The following MECOM variants were observed in gnomAD, a reference collection of about 807,000 sequenced individuals.
MECOM encodes the protein histone-lysine N-methyltransferase MECOM.
MECOM carries 13 observed loss-of-function variants against 116.3 expected under a neutral mutation model. The observed-to-expected ratio is 0.11, with a 90% CI of 0.07 to 0.18. The LOEUF (loss-of-function observed/expected upper bound fraction) is 0.18. Among genes scored for constraint, MECOM ranks in the 10% least tolerant of loss-of-function variants. The pLI is 1.00. For missense variants in MECOM, 1,299 were observed against 1,509.0 expected (o/e 0.86, Z 2.31); for synonymous variants, 528 against 535.2 (o/e 0.99, Z 0.19).
intron 2 of MECOM, chr3:169,146,822 G>A: frequency 7.3e-6 from 8 of 1,090,104 alleles, no homozygotes; most frequent in Non-Finnish European, 9.0e-6. Flanking sequence ...GCTCCTGCAC[G>A]AAAATCCTTT....
chr3:169,353,667 A>G (rs1266205856), intron 2 of MECOM, among the ~76,000 whole-genome samples: 10 of 151,890 alleles, frequency 6.6e-5, no homozygotes, highest in Admixed American at 6.6e-4. Flanking sequence ...TAATTTTAAA[A>G]TTAAAATAAA....
At chr3:169,094,215 A>T in intron 13 of MECOM, among the ~76,000 whole-genome samples, 1 of 152,316 alleles carries the variant, frequency 6.6e-6, no homozygotes. Flanking sequence ...TAATTAAAAA[A>T]TTCCATAAAT....
At chr3:169,433,689 G>GAGAA (rs139174248) in intron 1 of MECOM, among the ~76,000 whole-genome samples, 19 of 96,856 alleles carry the variant, frequency 2.0e-4, no homozygotes, top group African/African-American at 6.8e-4. Flanking sequence ...AAGAAAGAAA[G>GAGAA]AGAAAGAAAG....
rs1755630562 is a variant in MECOM at position 169,246,716 on chromosome 3, T to C, written c.376-102884A>G. Among the ~76,000 whole-genome samples, 3 of 152,166 alleles carry C rather than the reference T, an allele frequency of 2.0e-5. No individual in the cohort carries two copies. In the South Asian group the frequency reaches 6.2e-4, roughly 32 times the overall value. On this transcript the variant is annotated intron_variant, in intron 2 of 16. Transcript: ENST00000651503. ...TTTGTATTTTTAGTAGAGACAGGGTTTTACTCTGTTGTCCAGGCTGGTCTG... is the reference window on the plus strand; with the variant it reads ...TTTGTATTTTTAGTAGAGACAGGGTCTTACTCTGTTGTCCAGGCTGGTCTG...
At chr3:169,588,388 G>A (rs924096660) in intron 1 of MECOM, among the ~76,000 whole-genome samples, 1 of 152,076 alleles carries the variant, frequency 6.6e-6, no homozygotes, top group Admixed American at 6.6e-5. Flanking sequence ...ACTTTCATGA[G>A]CTACAATATT....
chr3:169,413,120 A>T (rs1481393254), intron 1 of MECOM, among the ~76,000 whole-genome samples: 1 of 152,244 alleles, frequency 6.6e-6, no homozygotes, highest in East Asian at 1.9e-4. Flanking sequence ...CCAATGCAGA[A>T]GGCAGGTGAT....
At chr3:169,323,446 C>G (rs983475614) in intron 2 of MECOM, among the ~76,000 whole-genome samples, 4 of 152,094 alleles carry the variant, frequency 2.6e-5, no homozygotes, top group African/African-American at 9.7e-5. Flanking sequence ...CATGGAAGCA[C>G]GTAGGCATTT....
chr3:169,437,894 TA>T (rs1742933409), intron 1 of MECOM, among the ~76,000 whole-genome samples: 1 of 152,220 alleles, frequency 6.6e-6, no homozygotes, highest in African/African-American at 2.4e-5. Context: ...AAGAAATGCA[TA>T]AAAATCTCAT....
intron 2 of MECOM, among the ~76,000 whole-genome samples, chr3:169,293,619 T>C (rs1352733467): frequency 6.6e-6 from 1 of 152,198 alleles, no homozygotes; most frequent in African/African-American, 2.4e-5. Context: ...CCCCCTTTAC[T>C]CTTTATCCCC....
chr3:169,210,052 A>C (rs1203231328), intron 2 of MECOM, among the ~76,000 whole-genome samples: 1 of 152,182 alleles, frequency 6.6e-6, no homozygotes, highest in Non-Finnish European at 1.5e-5. Context: ...TGTCCTTTGC[A>C]GGGACATGGA....
chr3:169,385,971 A>G (rs1260334345), intron 1 of MECOM, among the ~76,000 whole-genome samples: 1 of 152,194 alleles, frequency 6.6e-6, no homozygotes, highest in Non-Finnish European at 1.5e-5. Flanking sequence ...TCCTTTAGGC[A>G]TGTCATTAAC....
chr3:169,413,302 T>C (rs1389024641), intron 1 of MECOM, among the ~76,000 whole-genome samples: 3 of 152,110 alleles, frequency 2.0e-5, no homozygotes, highest in Non-Finnish European at 4.4e-5. Flanking sequence ...GACCGTGCCA[T>C]GAGGGACTGT....
chr3:169,326,333 A>T (rs938021909), intron 2 of MECOM, among the ~76,000 whole-genome samples: 18 of 152,148 alleles, frequency 1.2e-4, no homozygotes, highest in African/African-American at 4.3e-4. Context: ...TGTTATTTGG[A>T]AAAGTCTATT....
intron 1 of MECOM, among the ~76,000 whole-genome samples, chr3:169,580,594 T>C (rs1192980447): frequency 1.3e-5 from 2 of 152,162 alleles, no homozygotes; most frequent in Non-Finnish European, 2.9e-5. Context: ...TGAGGCAACA[T>C]GCTTTTGTGT....
At chr3:169,613,019 G>C (rs1322044073) in intron 1 of MECOM, among the ~76,000 whole-genome samples, 1 of 152,124 alleles carries the variant, frequency 6.6e-6, no homozygotes, top group African/African-American at 2.4e-5. Flanking sequence ...ACTTTCCCCA[G>C]GACCAAATCC....
In MECOM at chr3:169,258,461, G is replaced by T. The variant is rs555498408; in HGVS notation, c.376-114629C>A. Among the ~76,000 whole-genome samples the T allele has an allele frequency of 2.6e-5, 4 of 152,244 alleles. No homozygotes were observed. In the East Asian group the frequency reaches 7.7e-4, roughly 29 times the overall value. On this transcript the variant is annotated intron_variant, in intron 2 of 16. Transcript: ENST00000651503. Reference sequence around the variant, plus strand: ...CTTTTATTCATTTTTTTAAAAAGATGAATCCATTAGTATTTCTATTACTGT... The same window carrying T: ...CTTTTATTCATTTTTTTAAAAAGATTAATCCATTAGTATTTCTATTACTGT...
chr3:169,525,885 C>G (rs1331611723), intron 1 of MECOM, among the ~76,000 whole-genome samples: 3 of 152,018 alleles, frequency 2.0e-5, no homozygotes, highest in Admixed American at 2.0e-4. Flanking sequence ...AAAAATTAGC[C>G]AGACGTGGTG....
At chr3:169,375,190 T>C (rs1022631294) in intron 2 of MECOM, among the ~76,000 whole-genome samples, 4 of 151,998 alleles carry the variant, frequency 2.6e-5, no homozygotes, top group Non-Finnish European at 4.4e-5. Flanking sequence ...AGAGGGAAAT[T>C]TGTAACACTA....
At chr3:169,229,942 C>T (rs928708083) in intron 2 of MECOM, among the ~76,000 whole-genome samples, 1 of 151,990 alleles carries the variant, frequency 6.6e-6, no homozygotes, top group East Asian at 1.9e-4. Context: ...AAGAAAATTC[C>T]AAATAAAGGA....
Sources: gnomAD v4.1 joint callset for allele counts (sites outside exome capture counted in the v4.1 genomes callset) on GRCh38, gnomAD v4.1.1 for gene constraint, MANE v1.5 for transcripts, NCBI Gene and HGNC (gene_info 2026-07-23, HGNC 2026-07-21) for gene names.